The following SOX5 variants were observed in gnomAD, a reference collection of about 807,000 sequenced individuals.
The protein encoded by SOX5 is SRY-box transcription factor 5.
Under a neutral mutation model 92.0 loss-of-function variants are expected in SOX5, and 9 were observed. The observed-to-expected ratio is 0.10, with a 90% CI of 0.06 to 0.17. SOX5 has a LOEUF of 0.17. SOX5 is among the 10% of genes least tolerant of loss of function. SOX5 has a pLI of 1.00. For missense variants in SOX5, 642 were observed against 944.5 expected (o/e 0.68, Z 4.20); for synonymous variants, 344 against 336.3 (o/e 1.02, Z -0.25).
chr12:23,724,759 A>T (rs1394036532), intron 6 of SOX5, among the ~76,000 whole-genome samples: 1 of 152,170 alleles, frequency 6.6e-6, no homozygotes, highest in Non-Finnish European at 1.5e-5. Flanking sequence ...AAATTATATG[A>T]TTAAAAGAGT....
At chr12:24,322,733 A>T (rs1950321309) in intron 2 of SOX5, among the ~76,000 whole-genome samples, 1 of 152,166 alleles carries the variant, frequency 6.6e-6, no homozygotes, top group South Asian at 2.1e-4. Flanking sequence ...CTGTTAATGA[A>T]ATTCTGCATT....
chr12:24,179,460 G>T (rs1286465522), intron 4 of SOX5, among the ~76,000 whole-genome samples: 1 of 152,202 alleles, frequency 6.6e-6, no homozygotes, highest in Non-Finnish European at 1.5e-5. Flanking sequence ...ATAGGCAGTG[G>T]TAGTGAGCTG....
intron 4 of SOX5, among the ~76,000 whole-genome samples, chr12:23,997,487 C>T (rs146449636): frequency 1.1e-3 from 160 of 152,212 alleles, no homozygotes; most frequent in African/African-American, 3.6e-3. Context: ...CTGAAGAAAG[C>T]ACCAGACATA....
intron 1 of SOX5, among the ~76,000 whole-genome samples, chr12:23,909,190 G>A (rs1245260141): frequency 2.6e-5 from 4 of 152,120 alleles, no homozygotes; most frequent in African/African-American, 9.7e-5. Flanking sequence ...TTACTATTAA[G>A]TTCCCATTTG....
At chr12:24,004,907 C>A (rs889059996) in intron 4 of SOX5, among the ~76,000 whole-genome samples, 2 of 151,896 alleles carry the variant, frequency 1.3e-5, no homozygotes, top group East Asian at 3.9e-4. Flanking sequence ...AATGTTTATC[C>A]ATTAATAAAA....
chr12:24,135,441 G>T (rs144474233), intron 4 of SOX5, among the ~76,000 whole-genome samples: 5 of 152,106 alleles, frequency 3.3e-5, no homozygotes, highest in Admixed American at 1.3e-4. Context: ...CTCCAACCTC[G>T]TTCCTGTATA....
At chr12:23,665,714 G>C in intron 6 of SOX5, 150 bp from the exon 7 acceptor site, 1 of 829,632 alleles carries the variant, frequency 1.2e-6, no homozygotes, top group Non-Finnish European at 1.8e-6. Context: ...TTGAGGATAT[G>C]CTTTGGGACT....
chr12:24,135,073 C>T (rs899337760), intron 4 of SOX5, among the ~76,000 whole-genome samples: 2 of 152,116 alleles, frequency 1.3e-5, no homozygotes, highest in South Asian at 2.1e-4. Flanking sequence ...ACTGTTTCTC[C>T]CAAGGCCATG....
chr12:24,040,053 C>T (rs1956372014), intron 4 of SOX5, among the ~76,000 whole-genome samples: 1 of 152,044 alleles, frequency 6.6e-6, no homozygotes, highest in Non-Finnish European at 1.5e-5. Context: ...AAATTTAATT[C>T]ATGTCAATGT....
At chr12:23,633,928 A>T (rs2078882804) in intron 8 of SOX5, among the ~76,000 whole-genome samples, 1 of 152,178 alleles carries the variant, frequency 6.6e-6, no homozygotes, top group Non-Finnish European at 1.5e-5. Context: ...CACATTCTTT[A>T]TGCAGCAACC....
intron 3 of SOX5, among the ~76,000 whole-genome samples, chr12:23,756,605 G>A (rs1002155593): frequency 1.3e-5 from 2 of 151,860 alleles, no homozygotes; most frequent in African/African-American, 4.8e-5. Context: ...TTTCAATCCC[G>A]TGATTAGCGC....
intron 4 of SOX5, among the ~76,000 whole-genome samples, chr12:24,178,693 CT>C (rs895458968): frequency 6.6e-6 from 1 of 152,138 alleles, no homozygotes; most frequent in Non-Finnish European, 1.5e-5. Flanking sequence ...TCCTAAAAAC[CT>C]TTTATAGAAA....
intron 3 of SOX5, among the ~76,000 whole-genome samples, chr12:24,229,343 G>GC (rs879923485): frequency 1.5e-4 from 23 of 152,290 alleles, no homozygotes; most frequent in Middle Eastern, 6.8e-3. Flanking sequence ...GAATTGCAAG[G>GC]CAGGAGTAGC....
rs530205887 is a variant in SOX5 at position 24,483,817 on chromosome 12, G to A, written c.-251+78512C>T. The stretch of plus-strand genomic sequence containing the variant: ...ACTGCACACATAAAGCTTATTTTAT[G>A]AACACACTTTCTGCATTCTCTTTAG... On this transcript the variant is annotated intron_variant, in intron 1 of 4. Transcript: ENST00000446891. 8.4e-4 allele frequency among the ~76,000 whole-genome samples: 128 copies of A among 152,286 alleles called. 1 individual carries two copies. Among genetic ancestry groups the A allele is most frequent in the Middle Eastern group, 6.8e-3 (2 of 294 alleles).
intron 1 of SOX5, among the ~76,000 whole-genome samples, chr12:24,482,686 T>A (rs1946124292): frequency 6.6e-6 from 1 of 152,222 alleles, no homozygotes; most frequent in Non-Finnish European, 1.5e-5. Context: ...TCAGGATAAG[T>A]CTTCATTTAT....
intron 4 of SOX5, among the ~76,000 whole-genome samples, chr12:24,140,240 G>A (rs1422078649): frequency 1.3e-5 from 2 of 152,078 alleles, no homozygotes; most frequent in Non-Finnish European, 2.9e-5. Flanking sequence ...GAAGCTATGG[G>A]GGTAAGGGAG....
intron 4 of SOX5, among the ~76,000 whole-genome samples, chr12:23,992,769 C>A (rs1437310087): frequency 1.3e-5 from 2 of 152,072 alleles, no homozygotes; most frequent in Admixed American, 6.6e-5. Flanking sequence ...GAAAGGGAAA[C>A]TTCTTTTAAT....
At chr12:23,903,996 T>C (rs2097264745) in intron 1 of SOX5, among the ~76,000 whole-genome samples, 1 of 152,204 alleles carries the variant, frequency 6.6e-6, no homozygotes, top group Non-Finnish European at 1.5e-5. Context: ...ATCACTTTAA[T>C]AAAAAATATC....
In SOX5 at chr12:24,464,136, T is replaced by A. The variant is rs74068350; in HGVS notation, c.-250-95497A>T. Among the ~76,000 whole-genome samples, 468 of 152,274 alleles carry A rather than the reference T, an allele frequency of 3.1e-3. 6 individuals carry two copies. Among genetic ancestry groups the A allele is most frequent in the African/African-American group, 0.01 (430 of 41,552 alleles). On this transcript the variant is annotated intron_variant, in intron 1 of 4. Coordinates refer to the SOX5 transcript ENST00000446891. ...AATTTGGAATCTGTACCCTGGGAAA[T>A]AATGGAAAATTAGTATTTGCAAAAA...
Sources: allele counts gnomAD v4.1 joint callset (sites outside exome capture counted in the v4.1 genomes callset), GRCh38; gene constraint gnomAD v4.1.1; transcripts MANE v1.5; gene names NCBI Gene and HGNC (gene_info 2026-07-23, HGNC 2026-07-21).